The following PTPRM variants were observed in gnomAD, a reference collection of about 807,000 sequenced individuals.
The protein encoded by PTPRM is receptor-type tyrosine-protein phosphatase mu.
A neutral mutation model predicts 186.7 loss-of-function variants in PTPRM; 47 were observed. The observed-to-expected ratio is 0.25, with a 90% confidence interval of 0.20 to 0.32. PTPRM has a LOEUF of 0.32. PTPRM is among the 10% of genes least tolerant of loss of function. The probability of loss-of-function intolerance (pLI) is 1.00; values close to 1 mark genes in which losing one functional copy is unlikely to be tolerated. For synonymous variants in PTPRM, 668 were observed against 674.9 expected, an observed-to-expected ratio of 0.99 and a Z score of 0.16; for missense variants, 1,494 against 1,865.0, an observed-to-expected ratio of 0.80 and a Z score of 3.66.
At chr18:7,653,034 T>A (rs1428394621) in intron 1 of PTPRM, among the ~76,000 whole-genome samples, 2 of 151,444 alleles carry the variant, frequency 1.3e-5, no homozygotes, top group Non-Finnish European at 2.9e-5. Context: ...TCAAAGAAAA[T>A]GGCAAATAAG....
At chr18:8,383,666 A>C (rs1290681602) in intron 29 of PTPRM, among the ~76,000 whole-genome samples, 1 of 152,218 alleles carries the variant, frequency 6.6e-6, no homozygotes, top group African/African-American at 2.4e-5. Context: ...TTCCAGGCAG[A>C]ACAGCAAAGC....
chr18:7,611,796 A>G (rs780165800), intron 1 of PTPRM, among the ~76,000 whole-genome samples: 5 of 152,156 alleles, frequency 3.3e-5, no homozygotes, highest in Non-Finnish European at 7.4e-5. Context: ...TCCACGTAAG[A>G]TGAGACTTGC....
Position 8,076,526 on chromosome 18 carries a change from G to C in PTPRM, c.1513G>C (p.Glu505Gln), listed in dbSNP as rs1343231000. ...AGAGAAGATATTTCTTCAGTGGAGA[G>C]AACCAACTCAAACATATGGTGTAAT... ...FEEKIFLQWR[E>Q]PTQTYGVITL... Residue 505 changes from glutamate to glutamine, a missense_variant, in exon 9 of 33, where the codon GAA (glutamate) becomes CAA (glutamine). By Grantham distance (29) the Glu-to-Gln change is conservative (BLOSUM62 2). Transcript: ENST00000580170. 6 of 1,606,132 alleles carry C rather than the reference G, an allele frequency of 3.7e-6. No homozygotes were observed. The highest frequency in any genetic ancestry group is 4.3e-6 in the Non-Finnish European group (5 of 1,173,816).
At chr18:7,676,651 G>A (rs985405541) in intron 1 of PTPRM, among the ~76,000 whole-genome samples, 3 of 137,404 alleles carry the variant, frequency 2.2e-5, no homozygotes, top group African/African-American at 3.2e-5. Flanking sequence ...GTGTGTGTGT[G>A]TGTGTGTGTG....
At chr18:8,392,587 A>G (rs919072564) in intron 31 of PTPRM, among the ~76,000 whole-genome samples, 1 of 152,002 alleles carries the variant, frequency 6.6e-6, no homozygotes, top group African/African-American at 2.4e-5. Context: ...AGATCGCGCC[A>G]CTGCACTCCA....
intron 14 of PTPRM, among the ~76,000 whole-genome samples, chr18:8,230,846 A>G (rs2094277703): frequency 6.6e-6 from 1 of 152,116 alleles, no homozygotes; most frequent in South Asian, 2.1e-4. Flanking sequence ...TAATGTGACA[A>G]CCTCTTATTC....
chr18:8,156,508 A>G (rs978092338), intron 14 of PTPRM, among the ~76,000 whole-genome samples: 3 of 152,186 alleles, frequency 2.0e-5, no homozygotes, highest in Admixed American at 6.5e-5. Context: ...TAGATGGTAT[A>G]TGTACATAGT....
chr18:7,926,562 A>G lies in PTPRM; in HGVS notation c.548-6A>G, dbSNP rs1189128897. ...TTAATATCTTTCATTCTTTTTCTTT[A>G]TGTAGCCAGGACTCCTCACTTCCTG... On this transcript the variant is annotated splice_region_variant and splice_polypyrimidine_tract_variant and intron_variant, in intron 4 of 32. Transcript: ENST00000580170. The G allele has an allele frequency of 6.3e-7, 1 of 1,592,556 alleles. No individual in the cohort carries two copies. Among genetic ancestry groups the G allele is most frequent in the African/African-American group, 1.3e-5 (1 of 74,200 alleles).
intron 1 of PTPRM, among the ~76,000 whole-genome samples, chr18:7,643,428 C>T (rs570032039): frequency 6.6e-6 from 1 of 152,286 alleles, no homozygotes; most frequent in African/African-American, 2.4e-5. Context: ...CAAGCTCCCC[C>T]GCCCAGGTTC....
intron 7 of PTPRM, among the ~76,000 whole-genome samples, chr18:8,046,073 G>A (rs1379292490): frequency 6.6e-6 from 1 of 152,110 alleles, no homozygotes; most frequent in Non-Finnish European, 1.5e-5. Context: ...GATAGTGAGT[G>A]AGTTTCACGA....
chr18:8,073,132 A>C (rs2148462365), intron 8 of PTPRM, among the ~76,000 whole-genome samples: 1 of 152,322 alleles, frequency 6.6e-6, no homozygotes, highest in African/African-American at 2.4e-5. Context: ...GAATGAAACA[A>C]ATATTTGTTT....
At chr18:8,360,366 G>C (rs745897927) in intron 23 of PTPRM, among the ~76,000 whole-genome samples, 13 of 151,128 alleles carry the variant, frequency 8.6e-5, no homozygotes, top group Admixed American at 2.6e-4. Context: ...GGTGGAACGG[G>C]TCTGGACACA....
chr18:7,647,781 C>A (rs1013827623), intron 1 of PTPRM, among the ~76,000 whole-genome samples: 3 of 152,162 alleles, frequency 2.0e-5, no homozygotes, highest in Non-Finnish European at 2.9e-5. Context: ...ATCAGAATCA[C>A]CTGCCAGGAG....
At chr18:8,096,367 T>C (rs1365292717) in intron 11 of PTPRM, among the ~76,000 whole-genome samples, 1 of 152,220 alleles carries the variant, frequency 6.6e-6, no homozygotes, top group Non-Finnish European at 1.5e-5. Context: ...TCCTTCACAG[T>C]GGAGGCCACA....
chr18:7,602,629 G>A (rs1192180032), intron 1 of PTPRM, among the ~76,000 whole-genome samples: 1 of 151,016 alleles, frequency 6.6e-6, no homozygotes, highest in African/African-American at 2.4e-5. Context: ...GTCTTCCCAT[G>A]TTTTCAAGAC....
intron 23 of PTPRM, among the ~76,000 whole-genome samples, chr18:8,347,691 T>G (rs1275900239): frequency 6.6e-6 from 1 of 152,204 alleles, no homozygotes; most frequent in Non-Finnish European, 1.5e-5. Context: ...GGAAATTTTG[T>G]TTCCAATAAG....
At chr18:7,827,450 C>T (rs1371497559) in intron 2 of PTPRM, among the ~76,000 whole-genome samples, 1 of 152,210 alleles carries the variant, frequency 6.6e-6, no homozygotes, top group African/African-American at 2.4e-5. Flanking sequence ...CTCCCCACAG[C>T]TGTACTCTGG....
chr18:8,359,420 G>A (rs1166731651), intron 23 of PTPRM, among the ~76,000 whole-genome samples: 3 of 152,360 alleles, frequency 2.0e-5, no homozygotes, highest in African/African-American at 7.2e-5. Flanking sequence ...GAGCCCTGTC[G>A]CTAGCCTTCA....
chr18:7,830,185 C>A (rs1314083560), intron 2 of PTPRM, among the ~76,000 whole-genome samples: 1 of 152,082 alleles, frequency 6.6e-6, no homozygotes, highest in Non-Finnish European at 1.5e-5. Context: ...TCCTGTGGGC[C>A]CTTCCCCTCT....
Sources: gnomAD v4.1 joint callset for allele counts (sites outside exome capture counted in the v4.1 genomes callset) on GRCh38, gnomAD v4.1.1 for gene constraint, MANE v1.5 for transcripts, NCBI Gene and HGNC (gene_info 2026-07-23, HGNC 2026-07-21) for gene names.